CNKSR1: variants seen among roughly 807,000 people sequenced by gnomAD.
CNKSR1 encodes the protein CNK homolog protein 1.
CNKSR1 carries 88 observed loss-of-function variants against 95.6 expected under a neutral mutation model. The observed-to-expected ratio is 0.92, with a 90% CI of 0.78 to 1.10. The LOEUF (loss-of-function observed/expected upper bound fraction) is 1.10, where lower values mean the gene tolerates loss of function less well. Ranked by LOEUF, CNKSR1 falls within the 50% of genes least tolerant of loss-of-function variation. The pLI, the probability that CNKSR1 is intolerant of heterozygous loss-of-function variation, is 0.00. For missense variants in CNKSR1, 836 were observed against 912.0 expected (o/e 0.92, Z 1.07); for synonymous variants, 355 against 369.7 (o/e 0.96, Z 0.46).
chr1:26,181,209 A>T, intron 3 of CNKSR1: 1 of 338,176 alleles, frequency 3.0e-6, no homozygotes, highest in Non-Finnish European at 5.7e-6. Context: ...CAAACCTGGG[A>T]GGTGGAAGTT....
At position 26,182,663 on chromosome 1, in the gene CNKSR1, A is replaced by G. The variant is rs2088667259; in HGVS notation, c.624+79A>G. On this transcript the variant is annotated intron_variant, in intron 6 of 20. Transcript: ENST00000361530. ...GCCCTGAAATAGGGTCCAGGATCCC[A>G]CAGAACCCTGTGCTGCCATGGCTGG... 5 of 1,257,348 alleles carry G rather than the reference A, an allele frequency of 4.0e-6. No individual in the cohort carries two copies. In the South Asian group the frequency reaches 5.0e-5, roughly 13 times the overall value. 77.9% of individuals were successfully genotyped at this position (1,257,348 alleles called of 1,614,324 possible).
chr1:26,181,316 G>A (rs2088643438), intron 3 of CNKSR1, among the ~76,000 whole-genome samples: 1 of 149,910 alleles, frequency 6.7e-6, no homozygotes, highest in East Asian at 2.0e-4. Flanking sequence ...ATATGGTGGA[G>A]CAGGGCAGAG....
intron 4 of CNKSR1, 197 bp from the exon 5 acceptor site, chr1:26,182,164 G>T: frequency 1.4e-6 from 1 of 704,738 alleles, no homozygotes; most frequent in Non-Finnish European, 2.5e-6. Context: ...GAGGGCACGT[G>T]TGGTGACTTC....
chr1:26,180,162 CAG>C (rs1430809052), intron 1 of CNKSR1: 3 of 491,464 alleles, frequency 6.1e-6, no homozygotes, highest in Middle Eastern at 5.6e-4. Context: ...GCCCCAACCT[CAG>C]AGTTTCTGAT....
Position 26,180,718 on chromosome 1 carries a change from T to C in CNKSR1, c.214T>C (p.Ser72Pro). The C allele has an allele frequency of 1.2e-6, 2 of 1,614,110 alleles. No homozygotes were observed. Residue 72 changes from serine (S) to proline (P), a missense_variant, in exon 3 of 21, where the codon TCC becomes CCC. By Grantham distance (74) the Ser-to-Pro change is moderately conservative. Coordinates refer to ENST00000361530, the MANE Select transcript of CNKSR1 (RefSeq NM_006314.3). ...GGVEQLQALS[S>P]RLQTENLQSL... ...ACTTGCCCTCTTTCTGGCACAGAGCTCCAGGCTACAGACAGAGAACCTGCA... is the reference window on the plus strand; with the variant it reads ...ACTTGCCCTCTTTCTGGCACAGAGCCCCAGGCTACAGACAGAGAACCTGCA...
intron 1 of CNKSR1, 127 bp downstream of exon 1, chr1:26,177,726 A>G (rs2088584720): frequency 1.8e-6 from 2 of 1,128,594 alleles, no homozygotes; most frequent in Admixed American, 2.5e-5. Context: ...CTGTAATCCC[A>G]GCACTTTGGG....
Position 26,182,510 on chromosome 1 carries a change from A to G in CNKSR1, c.550A>G (p.Ile184Val). ...CSHVAGICHN[I>V]LVCCPKELLE... ...CCACGTGGCTGGGATCTGCCACAAC[A>G]TCCTGGTCTGCTGCCCCAAGGAGCT... is the stretch of plus-strand genomic sequence containing the variant. Residue 184 changes from isoleucine to valine, a missense_variant, in exon 6 of 21, where the codon ATC becomes GTC. Ile to Val is a conservative substitution (Grantham distance 29, BLOSUM62 3). Transcript: ENST00000361530. 1.2e-6 allele frequency: 2 copies of G among 1,613,952 alleles called. No homozygotes were observed. Among genetic ancestry groups the G allele is most frequent in the Non-Finnish European group, 1.7e-6 (2 of 1,179,968 alleles).
rs533334040 is a variant in CNKSR1, at chr1:26,187,397, C to T, written c.1383-14C>T. Reference sequence around the variant, plus strand: ...CACGCCCAGGCTGAGTGATGCTCCTCCACTACCTGGCAGTGTGTTTCAGCT... The same window carrying T: ...CACGCCCAGGCTGAGTGATGCTCCTTCACTACCTGGCAGTGTGTTTCAGCT... On this transcript the variant is annotated splice_polypyrimidine_tract_variant and intron_variant, in intron 15 of 20. Coordinates refer to ENST00000361530, the MANE Select transcript of CNKSR1 (RefSeq NM_006314.3). The T allele has an allele frequency of 5.6e-6, 9 of 1,613,950 alleles. No individual in the cohort carries two copies. In the South Asian group the frequency reaches 6.6e-5, roughly 12 times the overall value.
chr1:26,184,446 C>T lies in CNKSR1; in HGVS notation c.1046C>T (p.Pro349Leu). The change falls in exon 12 of 21, where the codon CCC becomes CTC. Residue 349 changes from proline (P) to leucine (L), a missense_variant. By Grantham distance (98) the Pro-to-Leu change is moderately conservative. Coordinates refer to ENST00000361530, the MANE Select transcript of CNKSR1 (RefSeq NM_006314.3). ...GAGCCCCTGCCCATCCCCCCGGAAC[C>T]CCCAGCCATACTCCCAGCAGGGGTA... Reference protein sequence around the residue: ...GPEPLPIPPEPPAILPAGVAG... With the variant: ...GPEPLPIPPELPAILPAGVAG... 5.6e-6 allele frequency: 9 copies of T among 1,613,672 alleles called. No individual in the cohort carries two copies. The highest frequency in any genetic ancestry group is 6.8e-6 in the Non-Finnish European group (8 of 1,179,870).
chr1:26,189,269 C>T lies in CNKSR1; in HGVS notation c.1873-10C>T, dbSNP rs1363752911. ...TGATCATGGTCCCTTAGCCCCTCCT[C>T]TCCACACAGGCAAAGCTGCAGGAGC... On this transcript the variant is annotated splice_polypyrimidine_tract_variant and intron_variant, in intron 20 of 20. Coordinates refer to ENST00000361530, the MANE Select transcript of CNKSR1 (RefSeq NM_006314.3). 1 of 1,614,104 alleles carries T rather than the reference C, an allele frequency of 6.2e-7. No homozygotes were observed. Among genetic ancestry groups the T allele is most frequent in the South Asian group, 1.1e-5 (1 of 91,082 alleles).
At chr1:26,188,030 G>A (rs2088786380) in intron 16 of CNKSR1, among the ~76,000 whole-genome samples, 1 of 151,914 alleles carries the variant, frequency 6.6e-6, no homozygotes, top group South Asian at 2.1e-4. Flanking sequence ...CAAAGTGCTG[G>A]GGTGACAGAC....
At chr1:26,183,874 C>A (rs1202105540) in intron 9 of CNKSR1, 44 bp downstream of exon 9, 3 of 539,358 alleles carry the variant, frequency 5.6e-6, no homozygotes, top group South Asian at 4.7e-5. Context: ...AGACCCCCCC[C>A]TCCACAGGTA....
intron 13 of CNKSR1, 99 bp from the exon 14 acceptor site, chr1:26,184,915 A>C: frequency 8.1e-7 from 1 of 1,229,376 alleles, no homozygotes; most frequent in Non-Finnish European, 1.1e-6. Context: ...GTGTGGGTTC[A>C]GAGATCTCAC....
chr1:26,180,331 C>T (rs1229618115), intron 1 of CNKSR1, 122 bp from the exon 2 acceptor site: 1 of 1,224,812 alleles, frequency 8.2e-7, no homozygotes, highest in African/African-American at 1.5e-5. Flanking sequence ...GCAGAACAGC[C>T]TGGGTGTCAG....
chr1:26,185,904 A>G (rs367802225), intron 14 of CNKSR1, among the ~76,000 whole-genome samples: 69 of 152,206 alleles, frequency 4.5e-4, no homozygotes, highest in African/African-American at 1.6e-3. Flanking sequence ...TGGGCCATTC[A>G]TTTACTCATT....
rs1254518108 is a variant in CNKSR1, at chr1:26,188,604, C to T, written c.1597C>T (p.Pro533Ser). Residue 533 changes from proline (P) to serine (S), a missense_variant, in exon 19 of 21, where the codon CCT (proline) becomes TCT (serine). Coordinates refer to ENST00000361530, the MANE Select transcript of CNKSR1 (RefSeq NM_006314.3). The part of the protein sequence containing the change: ...EAGSHSASPS[P>S]AQAGSPLHGD... ...CTTTCCACCCTGCCTGCAGCCCAGC[C>T]CTGCTCAAGCTGGGAGTCCCCTCCA... The T allele has an allele frequency of 1.9e-6, 3 of 1,613,722 alleles. No individual in the cohort carries two copies. The East Asian group carries it at 6.7e-5, about 36-fold the overall frequency.
chr1:26,187,354 C>T, intron 15 of CNKSR1, 57 bp from the exon 16 acceptor site: 2 of 1,602,556 alleles, frequency 1.2e-6, no homozygotes, highest in Non-Finnish European at 8.6e-7. Flanking sequence ...AATCCAGCCT[C>T]TCTGGGCTGT....
chr1:26,182,221 G>C, intron 4 of CNKSR1, 140 bp from the exon 5 acceptor site: 1 of 875,572 alleles, frequency 1.1e-6, no homozygotes, highest in Non-Finnish European at 1.8e-6. Flanking sequence ...AAAACGCTGA[G>C]GCCCTGTGGT....
chr1:26,178,336 G>A (rs769254157), intron 1 of CNKSR1, among the ~76,000 whole-genome samples: 8 of 152,164 alleles, frequency 5.3e-5, no homozygotes, highest in Non-Finnish European at 7.4e-5. Flanking sequence ...CATTTTCCCC[G>A]CTCCACACCC....
Sources: allele counts gnomAD v4.1 joint callset (sites outside exome capture counted in the v4.1 genomes callset), GRCh38; gene constraint gnomAD v4.1.1; transcripts MANE v1.5; gene names NCBI Gene and HGNC (gene_info 2026-07-23, HGNC 2026-07-21).